Variants in TRIM36 observed in about 807,000 individuals in gnomAD.
TRIM36 encodes the protein E3 ubiquitin-protein ligase TRIM36.
In TRIM36, 42 loss-of-function variants were observed where a neutral mutation model predicts 72.4. The ratio of observed to expected loss-of-function variants is 0.58; its 90% CI spans 0.45 to 0.75. The LOEUF (loss-of-function observed/expected upper bound fraction) is 0.75. Among genes scored for constraint, TRIM36 ranks in the 30% least tolerant of loss-of-function variants. TRIM36 has a pLI of 0.00. For synonymous variants in TRIM36, 315 were observed against 282.8 expected (o/e 1.11, Z -1.14); for missense variants, 913 against 857.1 (o/e 1.07, Z -0.81).
rs1283368860 is a variant in TRIM36, at chr5:115,137,084, C to T, written c.1126G>A (p.Ala376Thr). 4 of 1,610,346 alleles carry T rather than the reference C, an allele frequency of 2.5e-6. No homozygotes were observed. The highest frequency in any genetic ancestry group is 3.4e-6 in the Non-Finnish European group (4 of 1,178,878). ...ATESLKSFRP[A>T]AQTSFEDYVV... ...TAGTCTTCAAAAGAAGTCTGAGCTG[C>T]AGGTCTAAAGCTCTTCAAAGATTCT... Residue 376 changes from alanine to threonine, a missense_variant, in exon 7 of 10, where the codon GCA becomes ACA. Coordinates refer to ENST00000513154, the MANE Select transcript of TRIM36 (RefSeq NM_001300759.2).
chr5:115,140,589 C>A (rs947725804), intron 5 of TRIM36, among the ~76,000 whole-genome samples: 1 of 152,128 alleles, frequency 6.6e-6, no homozygotes, highest in African/African-American at 2.4e-5. Flanking sequence ...TAACCTACCC[C>A]CCTCCTCAAC....
chr5:115,169,650 GGTGTCATCA>G lies in TRIM36; in HGVS notation c.-25_-17del. ...CGCCCTCCATGGCTGCCTTCTGCCAGGTGTCATCAGCGGCACGTTCCACTCACACCGGCT... is the reference window on the plus strand; with the variant it reads ...CGCCCTCCATGGCTGCCTTCTGCCAGGCGGCACGTTCCACTCACACCGGCT... On this transcript the variant is annotated 5_prime_UTR_variant, in exon 1 of 10. An upstream start codon of the reference 5' UTR is lost. Coordinates refer to ENST00000513154, the MANE Select transcript of TRIM36 (RefSeq NM_001300759.2). 6.6e-7 allele frequency: 1 copy of G among 1,521,470 alleles called. No individual in the cohort carries two copies. Among genetic ancestry groups the G allele is most frequent in the Non-Finnish European group, 8.8e-7 (1 of 1,140,096 alleles). The allele number at this position is 1,521,470 out of a possible 1,614,324, so 94.2% of individuals were successfully genotyped here. A position where few individuals can be genotyped will look rare whatever the true frequency, so the allele number is the denominator to read the frequency against.
intron 1 of TRIM36, among the ~76,000 whole-genome samples, chr5:115,175,912 G>A (rs540619193): frequency 1.2e-3 from 178 of 152,226 alleles, no homozygotes; most frequent in Middle Eastern, 6.8e-3. Flanking sequence ...ATCACTTGAG[G>A]TCAGGAGTTC....
upstream of TRIM36, among the ~76,000 whole-genome samples, chr5:115,171,432 A>C (rs765772311): frequency 2.0e-5 from 3 of 152,204 alleles, no homozygotes; most frequent in Non-Finnish European, 4.4e-5. Context: ...GAAAAGTGCT[A>C]ATCAGGAGGA....
intron 1 of TRIM36, among the ~76,000 whole-genome samples, chr5:115,166,400 G>A (rs1022255712): frequency 7.9e-5 from 12 of 152,098 alleles, no homozygotes; most frequent in South Asian, 6.2e-4. Context: ...CTGCACACTC[G>A]ACAAAATGAC....
At chr5:115,177,672 T>G in intron 1 of TRIM36, 2 of 1,606,358 alleles carry the variant, frequency 1.2e-6, no homozygotes, top group Admixed American at 1.7e-5. Flanking sequence ...GGAAATAAGC[T>G]TACGTTGAAA....
In TRIM36 at chr5:115,163,691, T is replaced by C. The variant is rs1754612961; in HGVS notation, c.89A>G (p.His30Arg). ...ATGTTGGCAAGGGAGAATCAATGGGTGGGTAAACAGCTCCTTGCATGCTGG... is the reference window on the plus strand; with the variant it reads ...ATGTTGGCAAGGGAGAATCAATGGGCGGGTAAACAGCTCCTTGCATGCTGG... Reference protein sequence around the residue: ...ICPACKELFTHPLILPCQHSI... With the variant: ...ICPACKELFTRPLILPCQHSI... Residue 30 changes from histidine (H) to arginine (R), a missense_variant, in exon 2 of 10, where the codon CAC becomes CGC. Transcript: ENST00000513154. 6.2e-7 allele frequency: 1 copy of C among 1,614,060 alleles called. No individual in the cohort carries two copies. The highest frequency in any genetic ancestry group is 8.5e-7 in the Non-Finnish European group (1 of 1,180,044).
intron 1 of TRIM36, among the ~76,000 whole-genome samples, chr5:115,166,047 G>A (rs1206882008): frequency 6.6e-6 from 1 of 152,130 alleles, no homozygotes; most frequent in Non-Finnish European, 1.5e-5. Flanking sequence ...GTGACTCAAC[G>A]TGGTACTGCA....
chr5:115,174,662 C>T (rs1489940644), upstream of TRIM36, among the ~76,000 whole-genome samples: 1 of 152,184 alleles, frequency 6.6e-6, no homozygotes, highest in African/African-American at 2.4e-5. Flanking sequence ...CTTCTGGAGC[C>T]TCCTTTATTA....
At chr5:115,131,716 C>T (rs1388477307) in intron 8 of TRIM36, among the ~76,000 whole-genome samples, 1 of 152,118 alleles carries the variant, frequency 6.6e-6, no homozygotes, top group African/African-American at 2.4e-5. Context: ...ATGTATGATA[C>T]ATGCTACATG....
intron 2 of TRIM36, 81 bp from the exon 3 acceptor site, chr5:115,147,475 G>A (rs1753655422): frequency 1.4e-6 from 2 of 1,424,872 alleles, no homozygotes; most frequent in African/African-American, 2.8e-5. Context: ...ATGTCTTAGA[G>A]ACATATCTAC....
At chr5:115,133,805 TC>T (rs1190665147) in intron 8 of TRIM36, 54 bp downstream of exon 8, 1 of 1,505,490 alleles carries the variant, frequency 6.6e-7, no homozygotes, top group African/African-American at 1.4e-5. Context: ...GTTTATTTTA[TC>T]AAGGTCTCTT....
chr5:115,139,591 T>C (rs1288618593), intron 5 of TRIM36, among the ~76,000 whole-genome samples: 5 of 152,258 alleles, frequency 3.3e-5, no homozygotes, highest in Non-Finnish European at 5.9e-5. Context: ...GACATTTTGA[T>C]AGTATTTCAC....
In TRIM36 at chr5:115,126,100, A is replaced by G. The variant is rs73780057; in HGVS notation, c.*403T>C. The G allele has an allele frequency of 0.016, 2,724 of 166,372 alleles. 62 individuals carry two copies. Among genetic ancestry groups the G allele is most frequent in the African/African-American group, 0.054 (2,260 of 41,812 alleles). 10.3% of individuals were successfully genotyped at this position (166,372 alleles called of 1,614,324 possible). A position where few individuals can be genotyped will look rare whatever the true frequency, so the allele number is the denominator to read the frequency against. On this transcript the variant is annotated 3_prime_UTR_variant, in exon 10 of 10. Transcript: ENST00000513154. ...CCTATCCATAAGGCATTTAAAAAATATCTTCTCTTAGGACATAAACATGAT... is the reference window on the plus strand; with the variant it reads ...CCTATCCATAAGGCATTTAAAAAATGTCTTCTCTTAGGACATAAACATGAT...
rs1754993793 is a variant in TRIM36 at position 115,169,738 on chromosome 5, C to G, written c.-104G>C. The G allele has an allele frequency of 6.9e-7, 1 of 1,447,060 alleles. No homozygotes were observed. Among genetic ancestry groups the G allele is most frequent in the Non-Finnish European group, 9.2e-7 (1 of 1,092,154 alleles). 89.6% of individuals were successfully genotyped at this position (1,447,060 alleles called of 1,614,324 possible). ...CCTGCGGCGGCCGTGGAGCCTCGGT[C>G]CGAAGCTGGAAGATGAGCTGGTCAG... On this transcript the variant is annotated 5_prime_UTR_variant, in exon 1 of 10. Coordinates refer to ENST00000513154, the MANE Select transcript of TRIM36 (RefSeq NM_001300759.2).
intron 1 of TRIM36, among the ~76,000 whole-genome samples, chr5:115,167,110 G>T (rs1754821176): frequency 6.6e-6 from 1 of 152,234 alleles, no homozygotes; most frequent in Non-Finnish European, 1.5e-5. Flanking sequence ...TTGGGCAAAG[G>T]CAACACTTGC....
intron 2 of TRIM36, among the ~76,000 whole-genome samples, chr5:115,153,009 C>A (rs1485428877): frequency 3.3e-5 from 5 of 152,078 alleles, no homozygotes; most frequent in Non-Finnish European, 5.9e-5. Context: ...AAAAATAGCA[C>A]AGTGAATGAA....
chr5:115,153,666 C>T (rs1410602375), intron 2 of TRIM36: 1 of 152,364 alleles, frequency 6.6e-6, no homozygotes, highest in Non-Finnish European at 1.5e-5. Context: ...CCACCAGGCC[C>T]AGCTAATTTT....
At chr5:115,179,917 G>A (rs1022996961) in intron 1 of TRIM36, 3 of 1,505,440 alleles carry the variant, frequency 2.0e-6, no homozygotes, top group South Asian at 1.3e-5. Flanking sequence ...ACAGTGGCGG[G>A]CCAGGTAGTG....
Sources: gnomAD v4.1 joint callset for allele counts (sites outside exome capture counted in the v4.1 genomes callset) on GRCh38, gnomAD v4.1.1 for gene constraint, MANE v1.5 for transcripts, NCBI Gene and HGNC (gene_info 2026-07-23, HGNC 2026-07-21) for gene names.